Variants in COL23A1 observed in about 807,000 individuals in gnomAD.
The protein encoded by COL23A1 is collagen type XXIII alpha 1 chain.
Under a neutral mutation model 99.3 loss-of-function variants are expected in COL23A1, and 97 were observed. That is an observed-to-expected ratio of 0.98 (90% CI 0.83 to 1.16). The LOEUF (loss-of-function observed/expected upper bound fraction) is 1.16, where lower values mean the gene tolerates loss of function less well. COL23A1 is among the 50% of genes most tolerant of loss of function. The pLI is 0.00. For synonymous variants in COL23A1, 320 were observed against 308.2 expected (o/e 1.04, Z -0.40); for missense variants, 762 against 757.4 (o/e 1.01, Z -0.07).
At chr5:178,393,644 C>T (rs1764082503) in intron 2 of COL23A1, among the ~76,000 whole-genome samples, 1 of 146,136 alleles carries the variant, frequency 6.8e-6, no homozygotes, top group Non-Finnish European at 1.5e-5. Flanking sequence ...ACTCTCTTCC[C>T]TCTTTTCCTT....
At chr5:178,325,640 C>T (rs1759608820) in intron 2 of COL23A1, among the ~76,000 whole-genome samples, 1 of 152,228 alleles carries the variant, frequency 6.6e-6, no homozygotes, top group African/African-American at 2.4e-5. Context: ...AGCCGTCTGC[C>T]CATCAGTCCC....
intron 2 of COL23A1, among the ~76,000 whole-genome samples, chr5:178,484,777 G>A (rs990613342): frequency 2.8e-5 from 4 of 141,552 alleles, no homozygotes; most frequent in Non-Finnish European, 3.0e-5. Context: ...AGCTGAGATC[G>A]CGCCACTGTA....
intron 2 of COL23A1, among the ~76,000 whole-genome samples, chr5:178,386,677 A>G (rs1763693661): frequency 6.6e-6 from 1 of 151,930 alleles, no homozygotes. Flanking sequence ...ACCCGGTGGG[A>G]GGGAAGCGTT....
At chr5:178,346,672 T>C (rs1760990454) in intron 2 of COL23A1, among the ~76,000 whole-genome samples, 1 of 152,246 alleles carries the variant, frequency 6.6e-6, no homozygotes. Context: ...ATGCTAATAA[T>C]GGTTGCCTGT....
At chr5:178,531,756 G>T (rs1055296020) in intron 2 of COL23A1, among the ~76,000 whole-genome samples, 6 of 152,340 alleles carry the variant, frequency 3.9e-5, no homozygotes, top group Non-Finnish European at 7.4e-5. Context: ...AGCTGAGAGA[G>T]CTTCCCACTG....
chr5:178,334,944 C>G (rs1561872003), intron 2 of COL23A1, among the ~76,000 whole-genome samples: 1 of 152,348 alleles, frequency 6.6e-6, no homozygotes, highest in Admixed American at 6.5e-5. Context: ...CTCCCCCACA[C>G]CCCAGACTTG....
intron 10 of COL23A1, 41 bp from the exon 11 acceptor site, chr5:178,261,789 G>C (rs776827887): frequency 1.3e-6 from 2 of 1,525,396 alleles, no homozygotes; most frequent in East Asian, 4.5e-5. Flanking sequence ...TCATACTGGA[G>C]GCTGCTCCTG....
At position 178,310,801 on chromosome 5, in the gene COL23A1, GC is replaced by G. The variant is rs1459545368; in HGVS notation, c.362-3883del. 6.6e-6 allele frequency among the ~76,000 whole-genome samples: 1 copy of G among 152,116 alleles called. No homozygotes were observed. Among genetic ancestry groups the G allele is most frequent in the Non-Finnish European group, 1.5e-5 (1 of 68,028 alleles). ...ACCTGGCTCCAACAAGCAAAACCAGGCCTTTGGCCAGGTGGTTGGCCTCAGA... is the reference window on the plus strand; with the variant it reads ...ACCTGGCTCCAACAAGCAAAACCAGGCTTTGGCCAGGTGGTTGGCCTCAGA... On this transcript the variant is annotated intron_variant, in intron 2 of 28. Coordinates refer to ENST00000390654, the MANE Select transcript of COL23A1 (RefSeq NM_173465.4). The surrounding 1 kb of genome is among the most constrained non-coding windows in gnomAD (Gnocchi z 4.3).
At chr5:178,403,137 A>AAAG in intron 2 of COL23A1, among the ~76,000 whole-genome samples, 1 of 137,138 alleles carries the variant, frequency 7.3e-6, no homozygotes, top group South Asian at 2.4e-4. Context: ...TAAATAAAAA[A>AAAG]TAAATACCAT....
At chr5:178,345,245 C>T (rs1199163621) in intron 2 of COL23A1, 4 of 788,584 alleles carry the variant, frequency 5.1e-6, no homozygotes, top group Middle Eastern at 2.5e-4. Context: ...TGTCCCTATT[C>T]AAGACAGACC....
chr5:178,337,153 A>G (rs1035163257), intron 2 of COL23A1, among the ~76,000 whole-genome samples: 1 of 152,234 alleles, frequency 6.6e-6, no homozygotes, highest in Non-Finnish European at 1.5e-5. Context: ...GCCACGACAC[A>G]TTGCGCCAGG....
intron 2 of COL23A1, among the ~76,000 whole-genome samples, chr5:178,549,814 T>G (rs1761908810): frequency 6.7e-6 from 1 of 148,580 alleles, no homozygotes; most frequent in South Asian, 2.2e-4. Context: ...GAATCCTGTC[T>G]CAAAAAACAA....
intron 3 of COL23A1, among the ~76,000 whole-genome samples, chr5:178,303,700 A>G (rs1039516605): frequency 6.6e-6 from 1 of 152,138 alleles, no homozygotes; most frequent in African/African-American, 2.4e-5. Context: ...TGTGATCTTC[A>G]TTTGCCCACA....
At chr5:178,473,071 TGTGA>T (rs1756842325) in intron 2 of COL23A1, among the ~76,000 whole-genome samples, 3 of 151,450 alleles carry the variant, frequency 2.0e-5, no homozygotes, top group Admixed American at 2.0e-4. Context: ...TGCAGTGAGC[TGTGA>T]CTGTGCCACT....
chr5:178,490,654 G>A (rs1562018983), intron 2 of COL23A1, among the ~76,000 whole-genome samples: 1 of 152,296 alleles, frequency 6.6e-6, no homozygotes, highest in Middle Eastern at 3.4e-3. Context: ...GTGTGCACCT[G>A]AAGTCCCAGC....
chr5:178,333,189 C>T (rs1183224929), intron 2 of COL23A1, among the ~76,000 whole-genome samples: 2 of 152,164 alleles, frequency 1.3e-5, no homozygotes, highest in African/African-American at 4.8e-5. Context: ...AACTCCTGAC[C>T]TCGTGATCCA....
At chr5:178,485,431 C>T (rs753955024) in intron 2 of COL23A1, among the ~76,000 whole-genome samples, 15 of 151,784 alleles carry the variant, frequency 9.9e-5, no homozygotes, top group Non-Finnish European at 5.9e-5. Context: ...CCTAGGATTG[C>T]ACCACTGCAC....
chr5:178,560,555 C>T (rs1762504701), intron 2 of COL23A1, 127 bp downstream of exon 2: 12 of 772,456 alleles, frequency 1.6e-5, no homozygotes, highest in Non-Finnish European at 1.0e-5. Flanking sequence ...AAAGAAAGGC[C>T]CCAGGCCAGT....
chr5:178,521,177 G>A (rs372472945), intron 2 of COL23A1, among the ~76,000 whole-genome samples: 1 of 152,122 alleles, frequency 6.6e-6, no homozygotes, highest in African/African-American at 2.4e-5. Context: ...ATAATCTTAC[G>A]GGACCACCAT....
Sources: allele counts gnomAD v4.1 joint callset (sites outside exome capture counted in the v4.1 genomes callset), GRCh38; gene constraint gnomAD v4.1.1; non-coding constraint Gnocchi (gnomAD v3.1); transcripts MANE v1.5; gene names NCBI Gene and HGNC (gene_info 2026-07-23, HGNC 2026-07-21).